The following MGAT4C variants were observed in gnomAD, a reference collection of about 807,000 sequenced individuals.
MGAT4C encodes MGAT4 family member C, also known as alpha-1,3-mannosyl-glycoprotein 4-beta-N-acetylglucosaminyltransferase C.
Under a neutral mutation model 40.1 loss-of-function variants are expected in MGAT4C, and 19 were observed. That is an observed-to-expected ratio of 0.47 (90% CI 0.33 to 0.70). The LOEUF (loss-of-function observed/expected upper bound fraction) is 0.70. Ranked by LOEUF, MGAT4C falls within the 30% of genes least tolerant of loss-of-function variation. The pLI is 0.02. For missense variants in MGAT4C, 491 were observed against 563.2 expected (o/e 0.87, Z 1.30); for synonymous variants, 181 against 187.1 (o/e 0.97, Z 0.27).
At chr12:86,319,352 CACAT>C (rs1954321579) in intron 4 of MGAT4C, among the ~76,000 whole-genome samples, 1 of 152,218 alleles carries the variant, frequency 6.6e-6, no homozygotes, top group East Asian at 1.9e-4. Context: ...ACTGATACCC[CACAT>C]ACATGCATAA....
At chr12:86,220,311 A>C (rs1338588334) in intron 1 of MGAT4C, among the ~76,000 whole-genome samples, 1 of 152,128 alleles carries the variant, frequency 6.6e-6, no homozygotes, top group Non-Finnish European at 1.5e-5. Flanking sequence ...GTGTGTTTTC[A>C]CGTATACATG....
chr12:86,093,046 C>A (rs1873171914), intron 1 of MGAT4C, among the ~76,000 whole-genome samples: 2 of 152,088 alleles, frequency 1.3e-5, no homozygotes, highest in African/African-American at 4.8e-5. Context: ...TGATATTCTC[C>A]TCCCTGTGTC....
intron 2 of MGAT4C, among the ~76,000 whole-genome samples, chr12:86,538,900 C>T (rs1023132654): frequency 3.9e-5 from 6 of 152,068 alleles, no homozygotes; most frequent in African/African-American, 1.2e-4. Flanking sequence ...AGCCACTGTG[C>T]CTGGCCCAAA....
chr12:86,635,784 C>T (rs984684110), intron 2 of MGAT4C, among the ~76,000 whole-genome samples: 1 of 151,668 alleles, frequency 6.6e-6, no homozygotes, highest in Non-Finnish European at 1.5e-5. Context: ...TCCAGGGATG[C>T]TCCCACCTTG....
At chr12:86,600,033 G>C (rs560235281) in intron 2 of MGAT4C, among the ~76,000 whole-genome samples, 3 of 152,232 alleles carry the variant, frequency 2.0e-5, no homozygotes, top group Non-Finnish European at 2.9e-5. Flanking sequence ...CAAGTTCCAT[G>C]AAAGTAGCAA....
At chr12:86,363,174 A>G (rs2136204054) in intron 3 of MGAT4C, among the ~76,000 whole-genome samples, 1 of 152,248 alleles carries the variant, frequency 6.6e-6, no homozygotes, top group East Asian at 1.9e-4. Context: ...ATATTATTAA[A>G]CAACTTAAAA....
At chr12:86,303,568 AAG>A in intron 4 of MGAT4C, among the ~76,000 whole-genome samples, 1 of 149,534 alleles carries the variant, frequency 6.7e-6, no homozygotes, top group South Asian at 2.1e-4. Flanking sequence ...TTAAAAAAAA[AAG>A]AATAAAACTA....
At chr12:85,993,170 T>G (rs1367288367) in intron 2 of MGAT4C, among the ~76,000 whole-genome samples, 1 of 152,196 alleles carries the variant, frequency 6.6e-6, no homozygotes, top group Non-Finnish European at 1.5e-5. Flanking sequence ...GAACTTAACC[T>G]AAGTAATTGA....
chr12:86,234,720 T>C (rs1455977549), intron 1 of MGAT4C, among the ~76,000 whole-genome samples: 1 of 152,112 alleles, frequency 6.6e-6, no homozygotes, highest in Non-Finnish European at 1.5e-5. Context: ...TCTCCCCTAA[T>C]TTACTCTAAT....
intron 2 of MGAT4C, among the ~76,000 whole-genome samples, chr12:86,606,239 AACC>A (rs1962042308): frequency 6.6e-6 from 1 of 152,138 alleles, no homozygotes; most frequent in Admixed American, 6.6e-5. Context: ...TGCAAAGCTT[AACC>A]GTATCAGCAA....
intron 4 of MGAT4C, among the ~76,000 whole-genome samples, chr12:86,307,745 C>T (rs1260805066): frequency 1.3e-5 from 2 of 150,206 alleles, no homozygotes; most frequent in African/African-American, 5.0e-5. Context: ...CTCTGTCGCC[C>T]AGGCTGGAGT....
At chr12:86,759,937 A>G (rs938907825) in intron 1 of MGAT4C, among the ~76,000 whole-genome samples, 5 of 152,266 alleles carry the variant, frequency 3.3e-5, no homozygotes, top group African/African-American at 4.8e-5. Flanking sequence ...CTGGAATTCA[A>G]TGGAAGCACA....
chr12:86,729,372 A>T (rs533271798), intron 1 of MGAT4C, among the ~76,000 whole-genome samples: 41 of 152,224 alleles, frequency 2.7e-4, no homozygotes, highest in Non-Finnish European at 4.9e-4. Context: ...TAAAAAAATA[A>T]AAATTTTTAA....
At chr12:86,357,453 G>C (rs1320948672) in intron 3 of MGAT4C, among the ~76,000 whole-genome samples, 1 of 152,152 alleles carries the variant, frequency 6.6e-6, no homozygotes, top group Non-Finnish European at 1.5e-5. Flanking sequence ...GTCAGCAATG[G>C]AACAAAGCTG....
chr12:86,500,986 A>C (rs551300462), intron 2 of MGAT4C, among the ~76,000 whole-genome samples: 1 of 152,220 alleles, frequency 6.6e-6, no homozygotes, highest in East Asian at 1.9e-4. Context: ...ATACATAAGA[A>C]GTCTTTTGAT....
intron 4 of MGAT4C, among the ~76,000 whole-genome samples, chr12:86,291,252 T>C (rs779845045): frequency 6.6e-6 from 1 of 152,182 alleles, no homozygotes; most frequent in East Asian, 1.9e-4. Context: ...TATTGCCAAA[T>C]AGCCACAAGT....
intron 1 of MGAT4C, among the ~76,000 whole-genome samples, chr12:86,762,790 A>G (rs1238965249): frequency 6.6e-6 from 1 of 152,244 alleles, no homozygotes; most frequent in African/African-American, 2.4e-5. Flanking sequence ...GTAGAGAAAC[A>G]TGTCATCATA....
At chr12:86,082,549 C>T (rs1255996764) in intron 1 of MGAT4C, among the ~76,000 whole-genome samples, 3 of 152,012 alleles carry the variant, frequency 2.0e-5, no homozygotes, top group Non-Finnish European at 4.4e-5. Flanking sequence ...CACAATTTAG[C>T]CATCTTCAGG....
chr12:86,323,878 G>A (rs953969478), intron 4 of MGAT4C, among the ~76,000 whole-genome samples: 2 of 151,742 alleles, frequency 1.3e-5, no homozygotes, highest in Non-Finnish European at 3.0e-5. Context: ...CCTAAATGAG[G>A]CAATATTCTT....
Sources: gnomAD v4.1 joint callset for allele counts (sites outside exome capture counted in the v4.1 genomes callset) on GRCh38, gnomAD v4.1.1 for gene constraint, MANE v1.5 for transcripts, NCBI Gene and HGNC (gene_info 2026-07-23, HGNC 2026-07-21) for gene names.